LTA4H: variants seen among roughly 807,000 people sequenced by gnomAD.
The protein encoded by LTA4H is leukotriene A4 hydrolase.
Under a neutral mutation model 89.8 loss-of-function variants are expected in LTA4H, and 59 were observed. That is an observed-to-expected ratio of 0.66 (90% CI 0.53 to 0.82). The LOEUF (loss-of-function observed/expected upper bound fraction) is 0.82, where lower values mean the gene tolerates loss of function less well. Ranked by LOEUF, LTA4H falls within the 40% of genes least tolerant of loss-of-function variation. LTA4H has a pLI of 0.00. For synonymous variants in LTA4H, 227 were observed against 253.1 expected (o/e 0.90, Z 0.98); for missense variants, 617 against 727.0 (o/e 0.85, Z 1.74).
chr12:96,018,060 T>C (rs1950402560), intron 8 of LTA4H, among the ~76,000 whole-genome samples: 2 of 152,212 alleles, frequency 1.3e-5, no homozygotes, highest in South Asian at 4.1e-4. Context: ...TCTATGGCCC[T>C]AATCCTTTCC....
chr12:96,011,970 G>A (rs900003038), intron 14 of LTA4H: 3 of 152,202 alleles, frequency 2.0e-5, no homozygotes, highest in Admixed American at 6.5e-5. Context: ...ACGTTAAAAG[G>A]GTTTACTGAT....
At chr12:96,040,031 T>A (rs1950676794), upstream of LTA4H, among the ~76,000 whole-genome samples, 2 of 152,182 alleles carry the variant, frequency 1.3e-5, no homozygotes, top group African/African-American at 4.8e-5. Context: ...GAGGGACAAG[T>A]TCTATCCCTT....
chr12:96,024,347 C>A, intron 4 of LTA4H, 132 bp downstream of exon 4: 1 of 545,630 alleles, frequency 1.8e-6, no homozygotes, highest in Non-Finnish European at 3.2e-6. Flanking sequence ...TCTTTGTTTA[C>A]ATATTTCAGG....
At chr12:96,038,242 T>G (rs1393575812), upstream of LTA4H, among the ~76,000 whole-genome samples, 1 of 152,114 alleles carries the variant, frequency 6.6e-6, no homozygotes, top group African/African-American at 2.4e-5. Flanking sequence ...AACAAAAAAC[T>G]GCTATATTTC....
chr12:96,011,625 G>C (rs1286609079), intron 14 of LTA4H: 1 of 152,106 alleles, frequency 6.6e-6, no homozygotes, highest in East Asian at 1.9e-4. Context: ...ATAATTACTT[G>C]ATACATACAT....
At chr12:96,025,243 G>A (rs1387059446) in intron 3 of LTA4H, 1 of 152,154 alleles carries the variant, frequency 6.6e-6, no homozygotes, top group East Asian at 1.9e-4. Context: ...TGAAGGCTCT[G>A]AACAGACCTA....
chr12:96,040,526 A>T (rs934287504), upstream of LTA4H, among the ~76,000 whole-genome samples: 4 of 152,214 alleles, frequency 2.6e-5, no homozygotes, highest in Admixed American at 2.6e-4. Context: ...AAGTGTCCTT[A>T]ACAGTAACTT....
At chr12:96,023,188 C>G (rs1386748758) in intron 4 of LTA4H, among the ~76,000 whole-genome samples, 2 of 152,124 alleles carry the variant, frequency 1.3e-5, no homozygotes, top group African/African-American at 4.8e-5. Context: ...GCTCAGGACC[C>G]AAAGCTGTGA....
rs1486140396 is a variant in LTA4H at position 96,020,970 on chromosome 12, G to C, written c.638+115C>G. The C allele has an allele frequency of 3.8e-6, 3 of 784,638 alleles. No individual in the cohort carries two copies. In the African/African-American group the frequency reaches 5.5e-5, roughly 14 times the overall value. The allele number at this position is 784,638 out of a possible 1,614,324, so 48.6% of individuals were successfully genotyped here. ...TTTAGATTTGAATTTTTCTAGAGCT[G>C]TCAGCTTGATATCTTGAGAAATATG... On this transcript the variant is annotated intron_variant, in intron 6 of 18. Coordinates refer to ENST00000228740, the MANE Select transcript of LTA4H (RefSeq NM_000895.3).
chr12:96,027,526 G>C lies in LTA4H; in HGVS notation c.329C>G (p.Ser110Cys). The C allele has an allele frequency of 6.2e-7, 1 of 1,606,438 alleles. No individual in the cohort carries two copies. Among genetic ancestry groups the C allele is most frequent in the Non-Finnish European group, 8.5e-7 (1 of 1,173,576 alleles). The change falls in exon 3 of 19, where the codon TCT becomes TGT. Residue 110 changes from serine to cysteine, a missense_variant. Coordinates refer to ENST00000228740, the MANE Select transcript of LTA4H (RefSeq NM_000895.3). Reference sequence around the variant, plus strand: ...CCACTGGAGAGCAGAAGATTTTGGAGAGGTCTCAAAAGAAATTTCTATAAC... The same window carrying C: ...CCACTGGAGAGCAGAAGATTTTGGACAGGTCTCAAAAGAAATTTCTATAAC... ...EIVIEISFET[S>C]PKSSALQWLT...
At chr12:96,036,418 G>A (rs1322544108), upstream of LTA4H, among the ~76,000 whole-genome samples, 2 of 152,164 alleles carry the variant, frequency 1.3e-5, no homozygotes, top group Admixed American at 1.3e-4. Context: ...CCTTAAATAG[G>A]TGGCCTTTTA....
At chr12:96,029,283 T>C (rs758766519) in intron 1 of LTA4H, 98 bp from the exon 2 acceptor site, 49 of 576,902 alleles carry the variant, frequency 8.5e-5, no homozygotes, top group Non-Finnish European at 1.3e-4. Flanking sequence ...TTATGGAGAG[T>C]AAAATACAGA....
chr12:96,029,291 A>G (rs1367132913), intron 1 of LTA4H, 106 bp from the exon 2 acceptor site: 2 of 546,712 alleles, frequency 3.7e-6, no homozygotes, highest in African/African-American at 2.0e-5. Flanking sequence ...AGTAAAATAC[A>G]GAGTGAAATT....
In LTA4H at chr12:96,023,581, T is replaced by C. The variant is rs77484547; in HGVS notation, c.480+898A>G. On this transcript the variant is annotated intron_variant, in intron 4 of 18. Coordinates refer to ENST00000228740, the MANE Select transcript of LTA4H (RefSeq NM_000895.3). ...ATCACTGCACTATCCTAGATGTAAT[T>C]TGGTTGTGGGATGATTTGGGAAGCA... Among the ~76,000 whole-genome samples the C allele has an allele frequency of 1.9e-3, 295 of 152,178 alleles. 1 individual carries two copies. Among genetic ancestry groups the C allele is most frequent in the East Asian group, 0.017 (88 of 5,168 alleles).
chr12:96,029,325 T>C, intron 1 of LTA4H, 140 bp from the exon 2 acceptor site: 1 of 472,080 alleles, frequency 2.1e-6, no homozygotes, highest in Non-Finnish European at 3.6e-6. Context: ...AGTCAAAAGC[T>C]AGTCTAGGTC....
At chr12:96,020,063 C>T (rs1950435633) in intron 6 of LTA4H, among the ~76,000 whole-genome samples, 1 of 151,990 alleles carries the variant, frequency 6.6e-6, no homozygotes, top group Non-Finnish European at 1.5e-5. Flanking sequence ...ACTACCATGC[C>T]CGATTAATTT....
chr12:96,036,017 C>T (rs151319000), upstream of LTA4H, among the ~76,000 whole-genome samples: 1,515 of 152,234 alleles, frequency 1.0e-2, 8 homozygotes, highest in African/African-American at 0.014. Flanking sequence ...TTCTTTCGTG[C>T]GGTTCCTCGT....
Position 96,006,306 on chromosome 12 carries a change from G to GTACT in LTA4H, c.1530+4_1530+7dup. On this transcript the variant is annotated splice_region_variant and intron_variant, in intron 16 of 18. Coordinates refer to ENST00000228740, the MANE Select transcript of LTA4H (RefSeq NM_000895.3). ...TTTTAATTTCTAAGATTTTGAGCTA[G>GTACT]TACTTACCCTCTGGAGCGTCTGTGC... 6.3e-7 allele frequency: 1 copy of GTACT among 1,575,944 alleles called. No individual in the cohort carries two copies.
At chr12:96,034,387 A>C (rs897060696) in intron 1 of LTA4H, among the ~76,000 whole-genome samples, 2 of 152,254 alleles carry the variant, frequency 1.3e-5, no homozygotes, top group Admixed American at 6.5e-5. Flanking sequence ...CATTAAATAT[A>C]GGTTATGATA....
Sources: gnomAD v4.1 joint callset for allele counts (sites outside exome capture counted in the v4.1 genomes callset) on GRCh38, gnomAD v4.1.1 for gene constraint, MANE v1.5 for transcripts, NCBI Gene and HGNC (gene_info 2026-07-23, HGNC 2026-07-21) for gene names.